The following GFOD2 variants were observed in gnomAD, a reference collection of about 807,000 sequenced individuals.
GFOD2 encodes Gfo/Idh/MocA-like oxidoreductase domain containing 2.
In GFOD2, 9 loss-of-function variants were observed where a neutral mutation model predicts 24.6. The ratio of observed to expected loss-of-function variants is 0.37; its 90% CI spans 0.22 to 0.64. GFOD2 has a LOEUF of 0.64. Ranked by LOEUF, GFOD2 falls within the 30% of genes least tolerant of loss-of-function variation. The probability of loss-of-function intolerance (pLI) is 0.65; values close to 1 mark genes in which losing one functional copy is unlikely to be tolerated. For missense variants in GFOD2, 476 were observed against 532.5 expected (o/e 0.89, Z 1.04); for synonymous variants, 211 against 224.8 (o/e 0.94, Z 0.55).
intron 1 of GFOD2, among the ~76,000 whole-genome samples, chr16:67,717,790 C>CGATAGATAGATA (rs56029322): frequency 6.7e-4 from 101 of 151,158 alleles, no homozygotes; most frequent in African/African-American, 2.1e-3. Context: ...GACTCCGTCT[C>CGATAGATAGATA]GATAGATAGA....
intron 1 of GFOD2, among the ~76,000 whole-genome samples, chr16:67,697,960 T>C (rs2053370259): frequency 6.6e-6 from 1 of 152,106 alleles, no homozygotes; most frequent in Non-Finnish European, 1.5e-5. Flanking sequence ...CAGGTGGGTG[T>C]GCTCAGTATT....
chr16:67,690,041 T>C (rs1597795628), intron 1 of GFOD2, among the ~76,000 whole-genome samples: 1 of 152,194 alleles, frequency 6.6e-6, no homozygotes, highest in East Asian at 1.9e-4. Flanking sequence ...CAAGGTTGAG[T>C]AATATGCCAT....
chr16:67,699,754 G>C (rs2053387542), intron 1 of GFOD2, among the ~76,000 whole-genome samples: 1 of 151,774 alleles, frequency 6.6e-6, no homozygotes, highest in Non-Finnish European at 1.5e-5. Flanking sequence ...AAAGTGCTGG[G>C]GTAACAGGAG....
At chr16:67,679,523 C>T (rs549058897) in intron 2 of GFOD2, among the ~76,000 whole-genome samples, 402 of 152,184 alleles carry the variant, frequency 2.6e-3, no homozygotes, top group Non-Finnish European at 5.2e-3. Context: ...GCCACCGCGT[C>T]GGCCCCAGGT....
rs1014154057 is a variant in GFOD2 at position 67,719,308 on chromosome 16, C to T, written c.-233G>A. 2.0e-5 allele frequency: 3 copies of T among 152,250 alleles called. No homozygotes were observed. The highest frequency in any genetic ancestry group is 2.9e-5 in the Non-Finnish European group (2 of 68,084). 9.4% of individuals were successfully genotyped at this position (152,250 alleles called of 1,614,324 possible). A position where few individuals can be genotyped will look rare whatever the true frequency, so the allele number is the denominator to read the frequency against. ...GGCGCCGCCACCGGGAACGCGCCGC[C>T]TGGTTTCTAAGGAACTGGGGGCTCT... is the stretch of plus-strand genomic sequence containing the variant. On this transcript the variant is annotated 5_prime_UTR_variant, in exon 1 of 3. Transcript: ENST00000268797.
chr16:67,684,872 T>C (rs976865083), intron 2 of GFOD2: 1 of 990,978 alleles, frequency 1.0e-6, no homozygotes, highest in Non-Finnish European at 1.2e-6. Context: ...GGCAAGAGGT[T>C]ACCAAGCCCA....
chr16:67,682,813 A>AATGAC, intron 2 of GFOD2: 1 of 985,422 alleles, frequency 1.0e-6, no homozygotes, highest in Non-Finnish European at 1.2e-6. Flanking sequence ...GTCATTCCTT[A>AATGAC]ATGCTCCTGG....
chr16:67,688,290 A>C (rs760208953), intron 1 of GFOD2, among the ~76,000 whole-genome samples: 2 of 152,214 alleles, frequency 1.3e-5, no homozygotes, highest in Non-Finnish European at 2.9e-5. Context: ...ATCTCTATTC[A>C]ATGCTGTAGA....
In GFOD2 at chr16:67,685,453, G is replaced by A. The variant is rs551797868; in HGVS notation, c.259+4C>T. The A allele has an allele frequency of 2.4e-5, 39 of 1,614,090 alleles. No homozygotes were observed. Among genetic ancestry groups the A allele is most frequent in the African/African-American group, 1.9e-4 (14 of 75,032 alleles). On this transcript the variant is annotated splice_donor_region_variant and intron_variant, in intron 2 of 2. Coordinates refer to ENST00000268797, the MANE Select transcript of GFOD2 (RefSeq NM_030819.4). The stretch of plus-strand genomic sequence containing the variant: ...CTGCCCCTGCTGTGGCCTGCCGGGC[G>A]TACCTAGAGCCTTCACGGATATCTG...
chr16:67,678,593 T>C (rs547795360), intron 2 of GFOD2, among the ~76,000 whole-genome samples: 1 of 152,210 alleles, frequency 6.6e-6, no homozygotes, highest in Non-Finnish European at 1.5e-5. Context: ...GACTCAAGCT[T>C]TGGAGCCAGA....
chr16:67,678,502 A>G (rs2053200875), intron 2 of GFOD2, among the ~76,000 whole-genome samples: 1 of 151,676 alleles, frequency 6.6e-6, no homozygotes. Flanking sequence ...AAAGAAAAAG[A>G]AAAAGAAATG....
chr16:67,709,049 T>A (rs1315205914), intron 1 of GFOD2, among the ~76,000 whole-genome samples: 1 of 152,048 alleles, frequency 6.6e-6, no homozygotes, highest in Admixed American at 6.6e-5. Flanking sequence ...ACACCTGTAA[T>A]CCCAGGACTT....
intron 1 of GFOD2, among the ~76,000 whole-genome samples, chr16:67,700,982 AGCCGAGATTGT>A (rs1402489333): frequency 6.7e-6 from 1 of 149,914 alleles, no homozygotes. Flanking sequence ...GGTTGTAGTG[AGCCGAGATTGT>A]GCCACTGCTC....
chr16:67,685,307 AGCACT>A lies in GFOD2; in HGVS notation c.259+145_259+149del, dbSNP rs1185478554. On this transcript the variant is annotated intron_variant, in intron 2 of 2. Transcript: ENST00000268797. ...TATGTCTTTTTTCATGCCCTCCCCA[AGCACT>A]GCTTCAGGGACAAGTGATGTCCCAG... The A allele has an allele frequency of 1.6e-5, 23 of 1,469,364 alleles. 1 individual carries two copies. The highest frequency in any genetic ancestry group is 2.1e-5 in the Non-Finnish European group (23 of 1,107,340). The allele number at this position is 1,469,364 out of a possible 1,614,324, so 91.0% of individuals were successfully genotyped here. A position where few individuals can be genotyped will look rare whatever the true frequency, so the allele number is the denominator to read the frequency against.
At chr16:67,683,601 A>G (rs2053244010) in intron 2 of GFOD2, 12 of 1,231,804 alleles carry the variant, frequency 9.7e-6, no homozygotes, top group Non-Finnish European at 1.2e-5. Flanking sequence ...GAAACAAACA[A>G]TAAGGCCAAA....
intron 2 of GFOD2, chr16:67,683,432 T>C: frequency 2.4e-6 from 3 of 1,229,856 alleles, no homozygotes; most frequent in East Asian, 3.2e-5. Flanking sequence ...AAGTGACCAA[T>C]AGCGGCTTGC....
rs56029322 is a variant in GFOD2, at chr16:67,717,790, C to CGATAGATA, written c.-88+1365_-88+1372dup. Among the ~76,000 whole-genome samples the CGATAGATA allele has an allele frequency of 4.7e-3, 709 of 151,154 alleles. 5 individuals are homozygous for CGATAGATA. Among genetic ancestry groups the CGATAGATA allele is most frequent in the African/African-American group, 0.012 (481 of 40,848 alleles). ...TGGGTGACAGAGTGAGACTCCGTCTCGATAGATAGATAGATAGATAGATAG... is the reference window on the plus strand; with the variant it reads ...TGGGTGACAGAGTGAGACTCCGTCTCGATAGATAGATAGATAGATAGATAGATAGATAG... On this transcript the variant is annotated intron_variant, in intron 1 of 2. Transcript: ENST00000268797.
chr16:67,689,143 G>C (rs758127791), intron 1 of GFOD2, among the ~76,000 whole-genome samples: 3 of 151,286 alleles, frequency 2.0e-5, no homozygotes, highest in Non-Finnish European at 4.4e-5. Context: ...GGTTTCGAGC[G>C]ATTCTCCTGC....
intron 1 of GFOD2, among the ~76,000 whole-genome samples, chr16:67,702,720 C>A (rs1021800220): frequency 2.0e-5 from 3 of 151,420 alleles, no homozygotes; most frequent in Admixed American, 6.6e-5. Flanking sequence ...CTGCCTCAAC[C>A]TCCCGAGTAG....
Sources: gnomAD v4.1 joint callset for allele counts (sites outside exome capture counted in the v4.1 genomes callset) on GRCh38, gnomAD v4.1.1 for gene constraint, MANE v1.5 for transcripts, NCBI Gene and HGNC (gene_info 2026-07-23, HGNC 2026-07-21) for gene names.